The following PCDHA5 variants were observed in gnomAD, a reference collection of about 807,000 sequenced individuals.
The protein encoded by PCDHA5 is protocadherin alpha 5.
In PCDHA5, 43 loss-of-function variants were observed where a neutral mutation model predicts 61.6. The observed-to-expected ratio is 0.70, with a 90% CI of 0.55 to 0.90. The LOEUF (loss-of-function observed/expected upper bound fraction) is 0.90, where lower values mean the gene tolerates loss of function less well. PCDHA5 is among the 40% of genes least tolerant of loss of function. The pLI, the probability that PCDHA5 is intolerant of heterozygous loss-of-function variation, is 0.00. For missense variants in PCDHA5, 1,298 were observed against 1,222.7 expected (o/e 1.06, Z -0.92); for synonymous variants, 627 against 543.9 (o/e 1.15, Z -2.13).
At chr5:140,882,332 G>A (rs782439110) in intron 1 of PCDHA5, 1 of 1,614,178 alleles carries the variant, frequency 6.2e-7, no homozygotes, top group Non-Finnish European at 8.5e-7. Flanking sequence ...TCTGATCCTC[G>A]CAGCCTGGGA....
rs185971380 is a variant in PCDHA5, at chr5:140,858,398, G to T, written c.2352+34271G>T. On this transcript the variant is annotated intron_variant, in intron 1 of 3. Transcript: ENST00000529859. ...ACCATGCCCAATGGTAGATGTGGAC[G>T]GGGAAGATCAGTCTATTGGAGGGGA... The T allele has an allele frequency of 3.4e-5, 54 of 1,574,020 alleles. No homozygotes were observed. In the East Asian group the frequency reaches 1.1e-3, roughly 32 times the overall value.
intron 1 of PCDHA5, chr5:140,828,080 G>C (rs2150150678): frequency 6.3e-7 from 1 of 1,580,098 alleles, no homozygotes; most frequent in Non-Finnish European, 8.6e-7. Flanking sequence ...AATAAAACCA[G>C]AGGTATTTGA....
intron 1 of PCDHA5, among the ~76,000 whole-genome samples, chr5:140,840,275 G>C (rs1776636892): frequency 6.6e-6 from 1 of 151,944 alleles, no homozygotes; most frequent in Non-Finnish European, 1.5e-5. Flanking sequence ...AATGATTTGG[G>C]TTTTGGGTGA....
At position 140,850,402 on chromosome 5, in the gene PCDHA5, C is replaced by T. The variant is rs2150482432; in HGVS notation, c.2352+26275C>T. On this transcript the variant is annotated intron_variant, in intron 1 of 3. Coordinates refer to ENST00000529859, the MANE Select transcript of PCDHA5 (RefSeq NM_018908.3). ...ACGGGCGAGATCAGCACAACGCGTG[C>T]CCTGGACGAAACGGACGCACCGCGC... 60 of 1,597,956 alleles carry T rather than the reference C, an allele frequency of 3.8e-5. 2 individuals carry two copies. The East Asian group carries it at 1.1e-3, about 30-fold the overall frequency.
At chr5:140,848,661 C>G in intron 1 of PCDHA5, 1 of 1,592,380 alleles carries the variant, frequency 6.3e-7, no homozygotes, top group African/African-American at 1.3e-5. Context: ...GGGGCTGGAG[C>G]TGGCGGAGCT....
At position 140,849,459 on chromosome 5, in the gene PCDHA5, G is replaced by A. The variant is rs2150438078; in HGVS notation, c.2352+25332G>A. On this transcript the variant is annotated intron_variant, in intron 1 of 3. Transcript: ENST00000529859. ...TAGAGCACACAAGATCCCAGTCGAG[G>A]CTGTCGATAAAGGCTTCCCACCCCT... 169 of 1,587,860 alleles carry A rather than the reference G, an allele frequency of 1.1e-4. 13 individuals carry two copies. The highest frequency in any genetic ancestry group is 1.4e-4 in the Non-Finnish European group (163 of 1,161,590).
Position 140,822,523 on chromosome 5 carries a change from T to A in PCDHA5, c.748T>A (p.Leu250Met). The change falls in exon 1 of 4, where the codon TTG becomes ATG. Residue 250 changes from leucine to methionine, a missense_variant. By Grantham distance (15) the Leu-to-Met change is conservative (BLOSUM62 2). Transcript: ENST00000529859. ...TGATAAATCCATTTATAATGTCAGA[T>A]TGTTGGAAAATGCACCAAGTGGGAC... ...EFDKSIYNVRLLENAPSGTLV... is the reference protein window; with the variant it reads ...EFDKSIYNVRMLENAPSGTLV... The A allele has an allele frequency of 6.2e-7, 1 of 1,613,888 alleles. No homozygotes were observed. Among genetic ancestry groups the A allele is most frequent in the Non-Finnish European group, 8.5e-7 (1 of 1,179,986 alleles).
intron 1 of PCDHA5, chr5:140,829,151 T>A (rs2150163115): frequency 6.2e-7 from 1 of 1,613,966 alleles, no homozygotes; most frequent in Admixed American, 1.7e-5. Flanking sequence ...AGCACTGACT[T>A]CCTTATCCTT....
rs2150234771 is a variant in PCDHA5, at chr5:140,835,383, T to C, written c.2352+11256T>C. ...AGGCTTCCCACCCCTGGCTGGTCAT[T>C]GTACAGTTCTTGTGGAAGTTGTGGA... On this transcript the variant is annotated intron_variant, in intron 1 of 3. Coordinates refer to ENST00000529859, the MANE Select transcript of PCDHA5 (RefSeq NM_018908.3). The C allele has an allele frequency of 7.4e-6, 12 of 1,613,968 alleles. No individual in the cohort carries two copies. In the South Asian group the frequency reaches 1.3e-4, roughly 18 times the overall value.
At chr5:140,829,735 C>G (rs2150173587) in intron 1 of PCDHA5, 4 of 1,613,534 alleles carry the variant, frequency 2.5e-6, no homozygotes, top group Non-Finnish European at 2.5e-6. Flanking sequence ...TGGGCAGCAA[C>G]GTGACGCTGC....
rs1453798087 is a variant in PCDHA5 at position 140,849,691 on chromosome 5, C to T, written c.2352+25564C>T. Reference sequence around the variant, plus strand: ...CCCCACGTCCCCTTCAAGCTGGTGTCCACCTACAAGAATTACTACTCGTTG... The same window carrying T: ...CCCCACGTCCCCTTCAAGCTGGTGTTCACCTACAAGAATTACTACTCGTTG... On this transcript the variant is annotated intron_variant, in intron 1 of 3. Transcript: ENST00000529859. 1.3e-6 allele frequency: 2 copies of T among 1,598,536 alleles called. No individual in the cohort carries two copies. The highest frequency in any genetic ancestry group is 2.2e-5 in the South Asian group (2 of 90,552).
intron 1 of PCDHA5, among the ~76,000 whole-genome samples, chr5:140,976,893 A>G (rs1240555240): frequency 2.0e-5 from 3 of 152,212 alleles, no homozygotes; most frequent in African/African-American, 7.2e-5. Context: ...GATACATGCA[A>G]CAGTATGTAA....
intron 1 of PCDHA5, chr5:140,856,666 G>C: frequency 1.3e-6 from 2 of 1,598,010 alleles, no homozygotes; most frequent in South Asian, 2.2e-5. Flanking sequence ...AAAATCCTCA[G>C]CTAAAGTTGT....
chr5:140,942,120 A>G (rs2093234009), intron 1 of PCDHA5, among the ~76,000 whole-genome samples: 1 of 152,234 alleles, frequency 6.6e-6, no homozygotes, highest in South Asian at 2.1e-4. Flanking sequence ...ACTTTATTAA[A>G]GGTGATATTT....
chr5:140,906,075 C>A (rs2153492820), intron 1 of PCDHA5, among the ~76,000 whole-genome samples: 1 of 152,246 alleles, frequency 6.6e-6, no homozygotes, highest in African/African-American at 2.4e-5. Context: ...TAGATCGCAC[C>A]CACCCAGACT....
At chr5:140,861,641 G>T (rs193008750) in intron 1 of PCDHA5, 38 of 298,444 alleles carry the variant, frequency 1.3e-4, no homozygotes, top group Admixed American at 1.2e-3. Flanking sequence ...CAACACAAAA[G>T]AATCTGTTTC....
At chr5:140,866,827 AT>A (rs1488157876) in intron 1 of PCDHA5, 1 of 152,132 alleles carries the variant, frequency 6.6e-6, no homozygotes, top group Non-Finnish European at 1.5e-5. Context: ...TCTTCAATTG[AT>A]TTTACAAAAT....
chr5:140,860,800 C>G (rs1270356784), intron 1 of PCDHA5: 1 of 152,198 alleles, frequency 6.6e-6, no homozygotes, highest in East Asian at 1.9e-4. Flanking sequence ...TGCAGTGGCA[C>G]GATCTCGGCT....
intron 1 of PCDHA5, chr5:140,851,710 G>T: frequency 2.1e-6 from 2 of 958,600 alleles, no homozygotes; most frequent in Middle Eastern, 5.5e-4. Flanking sequence ...GCCATGTGAA[G>T]ATTCGAAACT....
Sources: allele counts gnomAD v4.1 joint callset (sites outside exome capture counted in the v4.1 genomes callset), GRCh38; gene constraint gnomAD v4.1.1; transcripts MANE v1.5; gene names NCBI Gene and HGNC (gene_info 2026-07-23, HGNC 2026-07-21).